Variants in LHFPL6 observed in about 807,000 individuals in gnomAD.
LHFPL6 encodes the protein LHFPL tetraspan subfamily member 6 protein.
A neutral mutation model predicts 20.6 loss-of-function variants in LHFPL6; 9 were observed. That is an observed-to-expected ratio of 0.44 (90% CI 0.26 to 0.76). LHFPL6 has a LOEUF of 0.76. Among genes scored for constraint, LHFPL6 ranks in the 30% least tolerant of loss-of-function variants. The probability of loss-of-function intolerance (pLI) is 0.20; values close to 1 mark genes in which losing one functional copy is unlikely to be tolerated. For synonymous variants in LHFPL6, 105 were observed against 98.7 expected (o/e 1.06, Z -0.38); for missense variants, 218 against 253.5 (o/e 0.86, Z 0.95).
chr13:39,417,043 C>T (rs1871367292), intron 2 of LHFPL6, among the ~76,000 whole-genome samples: 1 of 152,134 alleles, frequency 6.6e-6, no homozygotes, highest in South Asian at 2.1e-4. Context: ...TTAGAAGAGC[C>T]CGAAGGTGTA....
intron 2 of LHFPL6, among the ~76,000 whole-genome samples, chr13:39,563,257 A>G (rs1257309872): frequency 6.6e-6 from 1 of 152,182 alleles, no homozygotes; most frequent in Non-Finnish European, 1.5e-5. Context: ...GGGAGCTGGA[A>G]TTCCAATAAC....
intron 3 of LHFPL6, among the ~76,000 whole-genome samples, chr13:39,359,984 C>A (rs2138344146): frequency 6.6e-6 from 1 of 152,196 alleles, no homozygotes; most frequent in East Asian, 1.9e-4. Context: ...AGTATTGGAG[C>A]CACTTCAACA....
chr13:39,591,476 C>A (rs1309628270), intron 2 of LHFPL6, among the ~76,000 whole-genome samples: 1 of 152,166 alleles, frequency 6.6e-6, no homozygotes, highest in African/African-American at 2.4e-5. Flanking sequence ...TGTTCCTACA[C>A]CAGTTCTGAT....
chr13:39,435,380 A>T (rs1335555050), intron 2 of LHFPL6, among the ~76,000 whole-genome samples: 1 of 152,348 alleles, frequency 6.6e-6, no homozygotes, highest in East Asian at 1.9e-4. Flanking sequence ...AGCAAATATA[A>T]GAATTTTGGA....
chr13:39,415,622 G>C (rs186296156), intron 2 of LHFPL6, among the ~76,000 whole-genome samples: 1 of 152,208 alleles, frequency 6.6e-6, no homozygotes, highest in Non-Finnish European at 1.5e-5. Context: ...AACTCCAGGG[G>C]GCAGTGGCTT....
In LHFPL6 at chr13:39,560,273, A is replaced by T. The variant is rs148009766; in HGVS notation, c.385+40559T>A. Among the ~76,000 whole-genome samples, 530 of 152,316 alleles carry T rather than the reference A, an allele frequency of 3.5e-3. 2 individuals are homozygous for T. Among genetic ancestry groups the T allele is most frequent in the African/African-American group, 0.012 (513 of 41,580 alleles). On this transcript the variant is annotated intron_variant, in intron 2 of 3. Transcript: ENST00000379589. Reference sequence around the variant, plus strand: ...CTTCACAATTCTTTGATGAGACAGGATTTATTGCATCCTTTCTACAGGTGA... The same window carrying T: ...CTTCACAATTCTTTGATGAGACAGGTTTTATTGCATCCTTTCTACAGGTGA...
rs548699385 is a variant in LHFPL6 at position 39,458,495 on chromosome 13, G to A, written c.386-79969C>T. On this transcript the variant is annotated intron_variant, in intron 2 of 3. Coordinates refer to ENST00000379589, the MANE Select transcript of LHFPL6 (RefSeq NM_005780.3). Reference sequence around the variant, plus strand: ...GTGGATCACTTGAGGTCAGAAGTTCGAGACCAGCCTGGGCTACATGGCAAA... The same window carrying A: ...GTGGATCACTTGAGGTCAGAAGTTCAAGACCAGCCTGGGCTACATGGCAAA... Among the ~76,000 whole-genome samples the A allele has an allele frequency of 9.9e-5, 15 of 152,090 alleles. No individual in the cohort carries two copies. The East Asian group carries it at 1.6e-3, about 16-fold the overall frequency.
At chr13:39,487,176 T>C (rs1868754708) in intron 2 of LHFPL6, among the ~76,000 whole-genome samples, 1 of 152,180 alleles carries the variant, frequency 6.6e-6, no homozygotes, top group Non-Finnish European at 1.5e-5. Flanking sequence ...CTTCCAAAAA[T>C]TGTTAAAAAT....
chr13:39,541,916 C>T (rs1353133602), intron 2 of LHFPL6, among the ~76,000 whole-genome samples: 2 of 151,440 alleles, frequency 1.3e-5, no homozygotes, highest in Admixed American at 1.3e-4. Context: ...AGTGAAACCC[C>T]GTCTCTACTA....
intron 3 of LHFPL6, among the ~76,000 whole-genome samples, chr13:39,352,952 TAC>T (rs1566091695): frequency 2.7e-5 from 2 of 75,158 alleles, no homozygotes; most frequent in Admixed American, 1.5e-4. Flanking sequence ...TATATATATA[TAC>T]ATACATACAC....
intron 2 of LHFPL6, among the ~76,000 whole-genome samples, chr13:39,464,041 TA>T (rs1470434743): frequency 6.6e-6 from 1 of 152,172 alleles, no homozygotes; most frequent in Non-Finnish European, 1.5e-5. Context: ...ACATTCTACA[TA>T]AGTAAAATAT....
chr13:39,479,966 G>C (rs1030090873), intron 2 of LHFPL6, among the ~76,000 whole-genome samples: 3 of 152,150 alleles, frequency 2.0e-5, no homozygotes, highest in Admixed American at 1.3e-4. Flanking sequence ...CTATTTCATA[G>C]CGCGACTTCT....
At chr13:39,492,829 C>T (rs1868972306) in intron 2 of LHFPL6, among the ~76,000 whole-genome samples, 3 of 151,864 alleles carry the variant, frequency 2.0e-5, no homozygotes, top group Admixed American at 2.0e-4. Context: ...TACAGGCATG[C>T]ACCACCACGT....
intron 2 of LHFPL6, among the ~76,000 whole-genome samples, chr13:39,600,141 G>A (rs189389168): frequency 3.9e-5 from 6 of 152,332 alleles, no homozygotes; most frequent in East Asian, 3.9e-4. Context: ...CTTTTCTGGC[G>A]TTAGTGAAAC....
intron 2 of LHFPL6, among the ~76,000 whole-genome samples, chr13:39,496,523 C>A (rs1390328421): frequency 1.3e-5 from 2 of 152,166 alleles, no homozygotes; most frequent in African/African-American, 4.8e-5. Context: ...CAAAACCCAG[C>A]ACTTACTTCA....
intron 2 of LHFPL6, among the ~76,000 whole-genome samples, chr13:39,419,618 C>A (rs1397169814): frequency 6.6e-6 from 1 of 152,114 alleles, no homozygotes; most frequent in Non-Finnish European, 1.5e-5. Context: ...AGTTTAAGTT[C>A]ATGATTCTTT....
chr13:39,469,632 ACT>A (rs1872895985), intron 2 of LHFPL6, among the ~76,000 whole-genome samples: 1 of 152,094 alleles, frequency 6.6e-6, no homozygotes, highest in Admixed American at 6.5e-5. Flanking sequence ...CATACAGTAA[ACT>A]CTGTCTTTAG....
At chr13:39,532,175 G>T (rs1870486691) in intron 2 of LHFPL6, among the ~76,000 whole-genome samples, 1 of 151,994 alleles carries the variant, frequency 6.6e-6, no homozygotes, top group Non-Finnish European at 1.5e-5. Context: ...ACCCTTTTCT[G>T]TCCTGCTGTC....
intron 2 of LHFPL6, among the ~76,000 whole-genome samples, chr13:39,597,058 ACTGT>A (rs754503000): frequency 6.6e-6 from 1 of 152,252 alleles, no homozygotes; most frequent in Non-Finnish European, 1.5e-5. Flanking sequence ...GCAGCACTTA[ACTGT>A]CTATTAGTTG....
Sources: allele counts gnomAD v4.1 joint callset (sites outside exome capture counted in the v4.1 genomes callset), GRCh38; gene constraint gnomAD v4.1.1; transcripts MANE v1.5; gene names NCBI Gene and HGNC (gene_info 2026-07-23, HGNC 2026-07-21).